Variants in RXFP2 observed in about 807,000 individuals in gnomAD.
RXFP2 encodes the protein relaxin receptor 2.
RXFP2 carries 68 observed loss-of-function variants against 88.6 expected under a neutral mutation model. The ratio of observed to expected loss-of-function variants is 0.77; its 90% CI spans 0.63 to 0.94. The LOEUF (loss-of-function observed/expected upper bound fraction) is 0.94, where lower values mean the gene tolerates loss of function less well. RXFP2 is among the 40% of genes least tolerant of loss of function. The pLI is 0.00. For missense variants in RXFP2, 791 were observed against 893.9 expected, an observed-to-expected ratio of 0.88 and a Z score of 1.47; for synonymous variants, 329 against 306.8, an observed-to-expected ratio of 1.07 and a Z score of -0.76.
At position 31,792,154 on chromosome 13, in the gene RXFP2, G is replaced by T. The variant is rs542725079; in HGVS notation, c.1375+119G>T. On this transcript the variant is annotated intron_variant, in intron 15 of 17. Transcript: ENST00000298386. ...ATTTAATGTGAATTATACATCCTGGGCACATTTTTTTTTCTAAATATAAAA... is the reference window on the plus strand; with the variant it reads ...ATTTAATGTGAATTATACATCCTGGTCACATTTTTTTTTCTAAATATAAAA... The T allele has an allele frequency of 8.4e-4, 648 of 775,232 alleles. 2 individuals carry two copies. In the African/African-American group the frequency reaches 0.01, roughly 12 times the overall value. The allele number at this position is 775,232 out of a possible 1,614,324, so 48.0% of individuals were successfully genotyped here.
chr13:31,753,356 C>T (rs1871761935), intron 1 of RXFP2, among the ~76,000 whole-genome samples: 1 of 152,066 alleles, frequency 6.6e-6, no homozygotes, highest in South Asian at 2.1e-4. Flanking sequence ...ATTTTAAAAT[C>T]TCTTGGCACA....
intron 1 of RXFP2, among the ~76,000 whole-genome samples, chr13:31,750,915 T>C (rs1871641061): frequency 6.6e-6 from 1 of 152,206 alleles, no homozygotes; most frequent in East Asian, 1.9e-4. Context: ...ATCTCAGTTT[T>C]ACAGGCAGGC....
chr13:31,771,307 T>C (rs1872726653), intron 5 of RXFP2, among the ~76,000 whole-genome samples: 1 of 152,034 alleles, frequency 6.6e-6, no homozygotes, highest in Non-Finnish European at 1.5e-5. Context: ...AGGAGGTGAG[T>C]GGTGAGCGAG....
At chr13:31,760,290 C>T (rs1260528864) in intron 2 of RXFP2, among the ~76,000 whole-genome samples, 1 of 152,142 alleles carries the variant, frequency 6.6e-6, no homozygotes, top group Non-Finnish European at 1.5e-5. Flanking sequence ...GGGGTTTCAA[C>T]ATGTTGGCCG....
At chr13:31,761,419 G>A (rs1375420381) in intron 2 of RXFP2, among the ~76,000 whole-genome samples, 1 of 152,122 alleles carries the variant, frequency 6.6e-6, no homozygotes, top group Admixed American at 6.5e-5. Flanking sequence ...CAAAATTAAA[G>A]TCAAACATGG....
intron 1 of RXFP2, among the ~76,000 whole-genome samples, chr13:31,744,520 A>C (rs533372688): frequency 1.8e-4 from 27 of 152,290 alleles, no homozygotes; most frequent in Non-Finnish European, 2.9e-4. Flanking sequence ...GATGGTACAG[A>C]TCTCCATTAG....
intron 11 of RXFP2, among the ~76,000 whole-genome samples, chr13:31,783,390 C>T (rs557371244): frequency 2.0e-5 from 3 of 152,324 alleles, no homozygotes; most frequent in South Asian, 2.1e-4. Context: ...TTACATTACA[C>T]ATAGCAGTGA....
chr13:31,745,097 G>A (rs1435122033), intron 1 of RXFP2, among the ~76,000 whole-genome samples: 3 of 152,004 alleles, frequency 2.0e-5, no homozygotes, highest in Non-Finnish European at 4.4e-5. Flanking sequence ...TTGAACCCAG[G>A]AGGTGGAAGT....
rs1426416176 is a variant in RXFP2 at position 31,791,871 on chromosome 13, A to G, written c.1211A>G (p.Asp404Gly). The change falls in exon 15 of 18, where the codon GAC becomes GGC. Residue 404 changes from aspartate (D) to glycine (G), a missense_variant. Asp to Gly is a moderately conservative substitution (Grantham distance 94). Transcript: ENST00000298386. ...GTCCGAATATGTATGCCCTTGACGG[A>G]CGGCATTTCTTCATTTGAGGACCTC... ...PHVRICMPLT[D>G]GISSFEDLLA... 3.7e-6 allele frequency: 6 copies of G among 1,614,040 alleles called. No individual in the cohort carries two copies. Among genetic ancestry groups the G allele is most frequent in the Admixed American group, 1.7e-5 (1 of 59,990 alleles).
At chr13:31,752,296 A>T (rs537359297) in intron 1 of RXFP2, among the ~76,000 whole-genome samples, 44 of 152,148 alleles carry the variant, frequency 2.9e-4, no homozygotes, top group Non-Finnish European at 5.6e-4. Flanking sequence ...CCCCCAAAAA[A>T]TCTGTGGATA....
intron 17 of RXFP2, among the ~76,000 whole-genome samples, chr13:31,800,433 A>G (rs1465865398): frequency 6.6e-6 from 1 of 152,146 alleles, no homozygotes; most frequent in East Asian, 1.9e-4. Flanking sequence ...TTAGCCGGGC[A>G]TGGTGGCAGG....
At chr13:31,796,032 G>A (rs1290865725) in intron 16 of RXFP2, among the ~76,000 whole-genome samples, 1 of 96,188 alleles carries the variant, frequency 1.0e-5, no homozygotes, top group African/African-American at 3.9e-5. Flanking sequence ...TGTTCTATGT[G>A]TTATTCTTTT....
intron 11 of RXFP2, among the ~76,000 whole-genome samples, chr13:31,783,983 A>ATTTTTTTTTTTTTTT (rs10686799): frequency 8.2e-6 from 1 of 121,572 alleles, no homozygotes; most frequent in African/African-American, 3.1e-5. Context: ...TGCCTGGCTA[A>ATTTTTTTTTTTTTTT]TTTTTTTTTT....
At chr13:31,786,064 G>A (rs969228939) in intron 11 of RXFP2, among the ~76,000 whole-genome samples, 2 of 152,234 alleles carry the variant, frequency 1.3e-5, no homozygotes, top group Non-Finnish European at 2.9e-5. Context: ...GAAGCATGAA[G>A]AGTAGAAGTG....
At chr13:31,798,694 C>G (rs1196786170) in intron 17 of RXFP2, among the ~76,000 whole-genome samples, 1 of 152,108 alleles carries the variant, frequency 6.6e-6, no homozygotes, top group Non-Finnish European at 1.5e-5. Flanking sequence ...TATTTCTTAC[C>G]TCCCACCCTC....
intron 1 of RXFP2, among the ~76,000 whole-genome samples, chr13:31,743,855 A>G (rs113041568): frequency 2.6e-4 from 37 of 143,308 alleles, no homozygotes; most frequent in Non-Finnish European, 3.7e-4. Flanking sequence ...ATATCCTCCA[A>G]CTCTGCCTTT....
At chr13:31,782,830 C>T (rs1593465174) in intron 11 of RXFP2, 83 bp downstream of exon 11, 1 of 860,806 alleles carries the variant, frequency 1.2e-6, no homozygotes. Flanking sequence ...TGCTTTGCCA[C>T]TAGTAGCAAT....
Position 31,775,384 on chromosome 13 carries a change from T to C in RXFP2, c.636T>C (p.Thr212=), listed in dbSNP as rs1433601551. 2.5e-6 allele frequency: 4 copies of C among 1,609,956 alleles called. No homozygotes were observed. Residue 212 remains threonine, a synonymous_variant, in exon 7 of 18, where the codon ACT becomes ACC. Coordinates refer to ENST00000298386, the MANE Select transcript of RXFP2 (RefSeq NM_130806.5). The part of the protein sequence containing the change: ...PGIFKDLHQL[T]WLILDDNPIT... Reference sequence around the variant, plus strand: ...TATTCAAAGACTTACATCAGCTAACTTGGCTGTAAGTACTCTAATTCTTCT... The same window carrying C: ...TATTCAAAGACTTACATCAGCTAACCTGGCTGTAAGTACTCTAATTCTTCT...
rs748988633 is a variant in RXFP2 at position 31,739,647 on chromosome 13, G to T, written c.35G>T (p.Ser12Ile). ...IVFLVFKHLF[S>I]LRLITMFFLL... ...TTTCTGGTTTTTAAACATCTCTTCAGCCTCAGATTGATTACAATGTTCTTT... is the reference window on the plus strand; with the variant it reads ...TTTCTGGTTTTTAAACATCTCTTCATCCTCAGATTGATTACAATGTTCTTT... The change falls in exon 1 of 18, where the codon AGC (serine) becomes ATC (isoleucine). Residue 12 changes from serine to isoleucine, a missense_variant. By Grantham distance (142) the Ser-to-Ile change is moderately radical. Coordinates refer to ENST00000298386, the MANE Select transcript of RXFP2 (RefSeq NM_130806.5). 8.7e-6 allele frequency: 14 copies of T among 1,608,498 alleles called. No homozygotes were observed. Among genetic ancestry groups the T allele is most frequent in the Non-Finnish European group, 1.1e-5 (13 of 1,175,194 alleles).
Sources: gnomAD v4.1 joint callset for allele counts (sites outside exome capture counted in the v4.1 genomes callset) on GRCh38, gnomAD v4.1.1 for gene constraint, MANE v1.5 for transcripts, NCBI Gene and HGNC (gene_info 2026-07-23, HGNC 2026-07-21) for gene names.